Variants in SIRT3 observed in about 807,000 individuals in gnomAD.
SIRT3 encodes the protein NAD-dependent protein deacetylase sirtuin-3, mitochondrial.
Under a neutral mutation model 33.5 loss-of-function variants are expected in SIRT3, and 26 were observed. The observed-to-expected ratio is 0.78, with a 90% CI of 0.57 to 1.08. SIRT3 has a LOEUF of 1.08. Ranked by LOEUF, SIRT3 falls within the 50% of genes least tolerant of loss-of-function variation. The pLI is 0.00. For missense variants in SIRT3, 585 were observed against 530.1 expected (o/e 1.10, Z -1.02); for synonymous variants, 237 against 222.1 (o/e 1.07, Z -0.60).
chr11:232,750 AC>A (rs1858248203), intron 3 of SIRT3, among the ~76,000 whole-genome samples: 1 of 152,200 alleles, frequency 6.6e-6, no homozygotes, highest in African/African-American at 2.4e-5. Context: ...ATGCAGGAGA[AC>A]AAGCAGTGGC....
chr11:236,731 C>T (rs1859217917), upstream of SIRT3: 1 of 446,518 alleles, frequency 2.2e-6, no homozygotes, highest in African/African-American at 2.0e-5. Context: ...CCTCATTTGA[C>T]AGGAGCAATT....
At chr11:216,779 A>T (rs1224775610) in intron 6 of SIRT3, 61 bp from the exon 7 acceptor site, 24 of 1,577,266 alleles carry the variant, frequency 1.5e-5, no homozygotes, top group African/African-American at 2.7e-5. Flanking sequence ...AGGCCAGCAG[A>T]TCTCTGTTCA....
chr11:229,641 C>T (rs1330613526), intron 4 of SIRT3, among the ~76,000 whole-genome samples: 1 of 152,006 alleles, frequency 6.6e-6, no homozygotes, highest in East Asian at 1.9e-4. Context: ...CACCTGTAAT[C>T]CCAGCTTCTC....
chr11:216,657 T>C lies in SIRT3; in HGVS notation c.*41A>G, dbSNP rs1855679726. ...TCTTGTCAGAATTGGGATGTGGATG[T>C]CTCCTATGTTACCATTTATTGTGTG... On this transcript the variant is annotated 3_prime_UTR_variant, in exon 7 of 7. Coordinates refer to ENST00000382743, the MANE Select transcript of SIRT3 (RefSeq NM_012239.6). The C allele has an allele frequency of 6.2e-7, 1 of 1,612,316 alleles. No individual in the cohort carries two copies. Among genetic ancestry groups the C allele is most frequent in the African/African-American group, 1.3e-5 (1 of 74,994 alleles).
intron 4 of SIRT3, among the ~76,000 whole-genome samples, chr11:226,788 T>G (rs1286688048): frequency 7.2e-6 from 1 of 138,516 alleles, no homozygotes; most frequent in Non-Finnish European, 1.6e-5. Context: ...AGTTTCGCTC[T>G]TGTTTCCCAG....
chr11:236,444 GC>G (rs1209443041), upstream of SIRT3: 39 of 572,176 alleles, frequency 6.8e-5, no homozygotes, highest in Admixed American at 2.8e-4. Context: ...TACCGCCCCC[GC>G]CCCCGGCGCC....
In SIRT3 at chr11:224,233, C is replaced by G. The variant is rs745845611; in HGVS notation, c.814G>C (p.Val272Leu). ...PFPGEDIRAD[V>L]MADRVPRCPV... ...CAGCGGGGAACCCTGTCTGCCATCA[C>G]GTCAGCCTGGAAAACAGAGAAAACA... The change falls in exon 5 of 7, where the codon GTG becomes CTG. Residue 272 changes from valine to leucine, a missense_variant. Val to Leu is a conservative substitution (Grantham distance 32, BLOSUM62 1). Transcript: ENST00000382743. 2.5e-6 allele frequency: 4 copies of G among 1,613,850 alleles called. No individual in the cohort carries two copies. The highest frequency in any genetic ancestry group is 1.3e-5 in the African/African-American group (1 of 74,934).
At chr11:217,664 G>A (rs1353068140) in intron 6 of SIRT3, among the ~76,000 whole-genome samples, 2 of 152,266 alleles carry the variant, frequency 1.3e-5, no homozygotes, top group African/African-American at 2.4e-5. Context: ...GTCTTGGACT[G>A]GTGGAGGTGA....
chr11:218,628 C>A, intron 6 of SIRT3: 1 of 951,016 alleles, frequency 1.1e-6, no homozygotes, highest in Non-Finnish European at 1.5e-6. Flanking sequence ...CCTGCTTGGC[C>A]TGTTAGCATC....
At chr11:218,153 T>A (rs892348854) in intron 6 of SIRT3, among the ~76,000 whole-genome samples, 6 of 152,170 alleles carry the variant, frequency 3.9e-5, no homozygotes, top group African/African-American at 1.2e-4. Context: ...GAGAACAGAC[T>A]AATACACTGG....
At chr11:218,671 G>GT in intron 6 of SIRT3, 161 bp downstream of exon 6, 1 of 1,322,418 alleles carries the variant, frequency 7.6e-7, no homozygotes, top group Non-Finnish European at 1.0e-6. Flanking sequence ...GGTATTGAAA[G>GT]TAACACCCAG....
Position 221,511 on chromosome 11 carries a change from G to A in SIRT3, c.970-2470C>T, listed in dbSNP as rs1406427788. 2.0e-5 allele frequency among the ~76,000 whole-genome samples: 3 copies of A among 152,188 alleles called. No homozygotes were observed. In the East Asian group the frequency reaches 5.8e-4, roughly 29 times the overall value. On this transcript the variant is annotated intron_variant, in intron 5 of 6. Transcript: ENST00000382743. Reference sequence around the variant, plus strand: ...TTTGTATTAAATCCACAAAATCTATGTTAAAGCTCTTGTGGCTGAATATGT... The same window carrying A: ...TTTGTATTAAATCCACAAAATCTATATTAAAGCTCTTGTGGCTGAATATGT...
At chr11:232,907 C>T (rs1246922396) in intron 3 of SIRT3, 76 bp downstream of exon 3, 12 of 1,420,848 alleles carry the variant, frequency 8.4e-6, no homozygotes, top group Admixed American at 1.8e-5. Flanking sequence ...AACAGGCACC[C>T]GAGCCTCCCT....
intron 1 of SIRT3, among the ~76,000 whole-genome samples, chr11:234,585 C>G (rs954265374): frequency 6.6e-6 from 1 of 151,220 alleles, no homozygotes; most frequent in Non-Finnish European, 1.5e-5. Context: ...TGGCTAATTT[C>G]CTTGTATTTT....
chr11:235,929 G>GGT, intron 1 of SIRT3, 119 bp downstream of exon 1: 1 of 1,126,426 alleles, frequency 8.9e-7, no homozygotes, highest in Non-Finnish European at 1.2e-6. Context: ...CGGAGGCCCC[G>GGT]GTGTTGGAAC....
chr11:218,600 G>C (rs1855971045), intron 6 of SIRT3, among the ~76,000 whole-genome samples: 1 of 152,302 alleles, frequency 6.6e-6, no homozygotes, highest in Admixed American at 6.5e-5. Flanking sequence ...CATCAGCCCT[G>C]AGTGTCTGGA....
At position 228,716 on chromosome 11, in the gene SIRT3, T is replaced by G. The variant is rs138462306; in HGVS notation, c.807+1736A>C. Among the ~76,000 whole-genome samples, 25 of 140,492 alleles carry G rather than the reference T, an allele frequency of 1.8e-4. 2 individuals carry two copies. Among genetic ancestry groups the G allele is most frequent in the African/African-American group, 6.2e-4 (25 of 40,260 alleles). 92.2% of individuals were successfully genotyped at this position (140,492 alleles called of 152,430 possible). ...TTTCTCAGATATGATTCCAAAAGAG[T>G]GAGAAAATAAATAGACAAACTAGAT... On this transcript the variant is annotated intron_variant, in intron 4 of 6. Coordinates refer to ENST00000382743, the MANE Select transcript of SIRT3 (RefSeq NM_012239.6).
chr11:233,288 A>G, intron 2 of SIRT3, 55 bp downstream of exon 2: 1 of 1,599,750 alleles, frequency 6.3e-7, no homozygotes, highest in Non-Finnish European at 8.5e-7. Flanking sequence ...GGCAGTGGGG[A>G]GGGCAGGAGT....
At chr11:235,196 A>G (rs960251834) in intron 1 of SIRT3, among the ~76,000 whole-genome samples, 3 of 84,820 alleles carry the variant, frequency 3.5e-5, no homozygotes, top group African/African-American at 1.7e-4. Flanking sequence ...GATCTATTAA[A>G]CTTTTTTCTT....
Sources: allele counts gnomAD v4.1 joint callset (sites outside exome capture counted in the v4.1 genomes callset), GRCh38; gene constraint gnomAD v4.1.1; transcripts MANE v1.5; gene names NCBI Gene and HGNC (gene_info 2026-07-23, HGNC 2026-07-21).